LOXHD1: variants seen among roughly 807,000 people sequenced by gnomAD.
LOXHD1 encodes the protein lipoxygenase homology PLAT domains 1.
In LOXHD1, 205 loss-of-function variants were observed where a neutral mutation model predicts 248.2. The observed-to-expected ratio is 0.83, with a 90% CI of 0.74 to 0.93. LOXHD1 has a LOEUF of 0.93. Among genes scored for constraint, LOXHD1 ranks in the 40% least tolerant of loss-of-function variants. LOXHD1 has a pLI of 0.00. For missense variants in LOXHD1, 2,930 were observed against 2,971.6 expected, an observed-to-expected ratio of 0.99 and a Z score of 0.33; for synonymous variants, 1,113 against 1,162.8, an observed-to-expected ratio of 0.96 and a Z score of 0.87.
At chr18:46,499,782 A>T (rs2034109035) in intron 37 of LOXHD1, among the ~76,000 whole-genome samples, 1 of 152,210 alleles carries the variant, frequency 6.6e-6, no homozygotes, top group South Asian at 2.1e-4. Flanking sequence ...TATTACATAC[A>T]GTGGCTTAAA....
chr18:46,523,621 C>A (rs917786993), intron 31 of LOXHD1, among the ~76,000 whole-genome samples: 1 of 152,124 alleles, frequency 6.6e-6, no homozygotes, highest in Admixed American at 6.5e-5. Flanking sequence ...AAGACACTAC[C>A]CTGGCATAGT....
At position 46,563,078 on chromosome 18, in the gene LOXHD1, T is replaced by C; in HGVS notation, c.2585A>G (p.Lys862Arg). 1.3e-6 allele frequency: 2 copies of C among 1,544,070 alleles called. No homozygotes were observed. The highest frequency in any genetic ancestry group is 1.8e-6 in the Non-Finnish European group (2 of 1,140,570). The change falls in exon 18 of 41, where the codon AAG becomes AGG. Residue 862 changes from lysine to arginine, a missense_variant. Transcript: ENST00000642948. The part of the protein sequence containing the change: ...SRSKVFERAS[K>R]DTFQLEAADV... ...GACCCCACATACCTGGAATGTGTCCTTGGACGCCCGTTCAAAAACTTTTGA... is the reference window on the plus strand; with the variant it reads ...GACCCCACATACCTGGAATGTGTCCCTGGACGCCCGTTCAAAAACTTTTGA...
chr18:46,646,821 C>T (rs1381542470), intron 2 of LOXHD1, among the ~76,000 whole-genome samples: 1 of 152,246 alleles, frequency 6.6e-6, no homozygotes, highest in Non-Finnish European at 1.5e-5. Context: ...TCTAGCCACA[C>T]TGATACCACT....
intron 10 of LOXHD1, 98 bp from the exon 11 acceptor site, chr18:46,592,682 C>G: frequency 1.0e-6 from 1 of 978,542 alleles, no homozygotes; most frequent in Non-Finnish European, 1.6e-6. Flanking sequence ...GCTTTGGGCT[C>G]TTTCTTCAGC....
intron 7 of LOXHD1, among the ~76,000 whole-genome samples, chr18:46,603,758 G>A (rs2038373478): frequency 6.6e-6 from 1 of 152,192 alleles, no homozygotes; most frequent in Admixed American, 6.5e-5. Flanking sequence ...TACCTACCTA[G>A]AAGGCCTGGC....
At chr18:46,632,912 G>A (rs544604949) in intron 4 of LOXHD1, among the ~76,000 whole-genome samples, 30 of 152,286 alleles carry the variant, frequency 2.0e-4, no homozygotes, top group Non-Finnish European at 3.2e-4. Context: ...CAGGTTGAGG[G>A]CAGCCAGCCA....
chr18:46,533,346 A>G (rs771034826), intron 27 of LOXHD1, 22 bp from the exon 28 acceptor site: 2 of 1,550,892 alleles, frequency 1.3e-6, no homozygotes, highest in South Asian at 2.4e-5. Flanking sequence ...CAGAAAAAGG[A>G]AAATTAGCCC....
intron 32 of LOXHD1, 125 bp from the exon 33 acceptor site, chr18:46,521,407 C>T: frequency 9.4e-7 from 1 of 1,062,968 alleles, no homozygotes; most frequent in African/African-American, 1.6e-5. Flanking sequence ...CAGGTCCCTC[C>T]CATGAAGGTG....
At chr18:46,576,291 CAGTAATGACTTG>C (rs908997066) in intron 14 of LOXHD1, among the ~76,000 whole-genome samples, 1 of 152,166 alleles carries the variant, frequency 6.6e-6, no homozygotes, top group African/African-American at 2.4e-5. Flanking sequence ...GTGAAAACGC[CAGTAATGACTTG>C]AAGCGAGGCT....
Position 46,579,651 on chromosome 18 carries a change from T to A in LOXHD1, c.1788A>T (p.Thr596=), listed in dbSNP as rs368683058. The change falls in exon 13 of 41, where the codon ACA becomes ACT. Residue 596 remains threonine (T), a synonymous_variant. Transcript: ENST00000642948. The part of the protein sequence containing the change: ...ERLLYNCRNN[T]DLFEKGNADE... ...TTACATTGCCCTTTTCAAACAGGTC[T>A]GTGTTATTCCTGCAGTTGTAGAGCA... 3 of 1,551,582 alleles carry A rather than the reference T, an allele frequency of 1.9e-6. No homozygotes were observed. The Admixed American group carries it at 5.9e-5, about 30-fold the overall frequency.
At chr18:46,585,737 C>A (rs1270773470) in intron 12 of LOXHD1, among the ~76,000 whole-genome samples, 1 of 152,070 alleles carries the variant, frequency 6.6e-6, no homozygotes, top group Non-Finnish European at 1.5e-5. Flanking sequence ...GCCAAAACAA[C>A]CCTGAGAATG....
At chr18:46,572,954 C>T (rs1281124172) in intron 14 of LOXHD1, among the ~76,000 whole-genome samples, 1 of 132,136 alleles carries the variant, frequency 7.6e-6, no homozygotes, top group African/African-American at 2.8e-5. Flanking sequence ...ACCCAGGAGG[C>T]GGAGCTTGCA....
intron 6 of LOXHD1, among the ~76,000 whole-genome samples, chr18:46,605,888 T>G (rs1599044144): frequency 6.6e-6 from 1 of 152,020 alleles, no homozygotes; most frequent in East Asian, 1.9e-4. Flanking sequence ...TCATTTGAGG[T>G]TGGGTAAAGG....
chr18:46,603,038 A>G (rs2038361964), intron 7 of LOXHD1, among the ~76,000 whole-genome samples: 1 of 152,154 alleles, frequency 6.6e-6, no homozygotes, highest in Non-Finnish European at 1.5e-5. Context: ...ATCAGCCCGC[A>G]ATGCTGAGGT....
Position 46,507,687 on chromosome 18 carries a change from C to T in LOXHD1, c.5543G>A (p.Gly1848Glu). The change falls in exon 36 of 41, where the codon GGA (glycine) becomes GAA (glutamate). Residue 1848 changes from glycine to glutamate, a missense_variant. By Grantham distance (98) the Gly-to-Glu change is moderately conservative (BLOSUM62 -2). Coordinates refer to ENST00000642948, the MANE Select transcript of LOXHD1 (RefSeq NM_001384474.1). ...ERILLKNMNT[G>E]DLTMFYYGDW... ...TCCATAGTAGAACATGGTCAGGTCTCCAGTGTTCATGTTCTTCAGTAGGAT... is the reference window on the plus strand; with the variant it reads ...TCCATAGTAGAACATGGTCAGGTCTTCAGTGTTCATGTTCTTCAGTAGGAT... 6.4e-7 allele frequency: 1 copy of T among 1,551,670 alleles called. No individual in the cohort carries two copies. The highest frequency in any genetic ancestry group is 8.7e-7 in the Non-Finnish European group (1 of 1,146,946).
chr18:46,546,505 C>CTCCATTCCAT (rs59167227), intron 22 of LOXHD1, among the ~76,000 whole-genome samples: 5 of 149,760 alleles, frequency 3.3e-5, no homozygotes, highest in African/African-American at 4.9e-5. Flanking sequence ...TTCCACTCCA[C>CTCCATTCCAT]TCCATTCCAT....
intron 6 of LOXHD1, among the ~76,000 whole-genome samples, chr18:46,608,386 C>A (rs1014802954): frequency 6.6e-6 from 1 of 152,150 alleles, no homozygotes; most frequent in Non-Finnish European, 1.5e-5. Context: ...CTTGGGGAAC[C>A]TTCCTAAGAG....
rs2038968353 is a variant in LOXHD1, at chr18:46,641,985, G to C, written c.297C>G (p.Thr99=). 6.4e-7 allele frequency: 1 copy of C among 1,552,154 alleles called. No individual in the cohort carries two copies. The highest frequency in any genetic ancestry group is 1.4e-5 in the African/African-American group (1 of 73,058). ...CTTTATAGATGAGGCCCACATTGTT[G>C]GTTCTCACCCGGAACACATCGACGT... is the stretch of plus-strand genomic sequence containing the variant. ...KGNVDVFRVR[T]NNVGLIYKVR... Residue 99 remains threonine, a synonymous_variant, in exon 3 of 41, where the codon ACC becomes ACG. Transcript: ENST00000642948.
chr18:46,563,189 A>G lies in LOXHD1; in HGVS notation c.2474T>C (p.Val825Ala). 1 of 1,523,694 alleles carries G rather than the reference A, an allele frequency of 6.6e-7. No homozygotes were observed. The highest frequency in any genetic ancestry group is 1.4e-5 in the African/African-American group (1 of 72,784). 94.4% of individuals were successfully genotyped at this position (1,523,694 alleles called of 1,614,324 possible). ...TCGGGCACTGGTGCCTGCGCCACCC[A>G]CATCTCCTGTCCAAATCTCAACCTC... ...HYEVEIWTGDVGGAGTSARVY... is the reference protein window; with the variant it reads ...HYEVEIWTGDAGGAGTSARVY... Residue 825 changes from valine to alanine, a missense_variant, in exon 18 of 41, where the codon GTG becomes GCG. By Grantham distance (64) the Val-to-Ala change is moderately conservative. Transcript: ENST00000642948.
Sources: gnomAD v4.1 joint callset for allele counts (sites outside exome capture counted in the v4.1 genomes callset) on GRCh38, gnomAD v4.1.1 for gene constraint, MANE v1.5 for transcripts, NCBI Gene and HGNC (gene_info 2026-07-23, HGNC 2026-07-21) for gene names.